Variants in SMCHD1 observed in about 807,000 individuals in gnomAD.
The protein encoded by SMCHD1 is structural maintenance of chromosomes flexible hinge domain-containing protein 1.
Under a neutral mutation model 254.7 loss-of-function variants are expected in SMCHD1, and 78 were observed. The ratio of observed to expected loss-of-function variants is 0.31; its 90% confidence interval spans 0.26 to 0.37. The LOEUF (loss-of-function observed/expected upper bound fraction) is 0.37, where lower values mean the gene tolerates loss of function less well. SMCHD1 is among the 10% of genes least tolerant of loss of function. SMCHD1 has a pLI of 1.00. For missense variants in SMCHD1, 1,840 were observed against 2,408.1 expected, an observed-to-expected ratio of 0.76 and a Z score of 4.94; for synonymous variants, 766 against 794.9, an observed-to-expected ratio of 0.96 and a Z score of 0.61.
chr18:2,727,877 T>G (rs1488184164), intron 22 of SMCHD1, among the ~76,000 whole-genome samples: 1 of 152,064 alleles, frequency 6.6e-6, no homozygotes, highest in African/African-American at 2.4e-5. Flanking sequence ...TATGTAGCAT[T>G]AATTGAATTT....
At chr18:2,685,530 A>G (rs1450342778) in intron 5 of SMCHD1, among the ~76,000 whole-genome samples, 1 of 152,160 alleles carries the variant, frequency 6.6e-6, no homozygotes, top group African/African-American at 2.4e-5. Flanking sequence ...GTCTTTTACA[A>G]CTATTATTAC....
chr18:2,772,631 G>T (rs1241104691), intron 41 of SMCHD1, among the ~76,000 whole-genome samples: 1 of 152,202 alleles, frequency 6.6e-6, no homozygotes, highest in South Asian at 2.1e-4. Context: ...ATGCTTTCAT[G>T]TCATGCAGCT....
At chr18:2,784,719 A>G (rs2076211298) in intron 45 of SMCHD1, 98 bp downstream of exon 45, 2 of 1,276,334 alleles carry the variant, frequency 1.6e-6, no homozygotes, top group African/African-American at 3.0e-5. Context: ...AAAAATTAAC[A>G]AATGTAAGTA....
intron 1 of SMCHD1, among the ~76,000 whole-genome samples, chr18:2,664,817 A>C (rs1358352240): frequency 6.6e-6 from 1 of 152,210 alleles, no homozygotes; most frequent in Non-Finnish European, 1.5e-5. Context: ...TTTAAGGAAC[A>C]ACTTTGCCTC....
chr18:2,738,736 C>T (rs2075296588), intron 26 of SMCHD1, among the ~76,000 whole-genome samples, 191 bp downstream of exon 26: 1 of 152,134 alleles, frequency 6.6e-6, no homozygotes, highest in African/African-American at 2.4e-5. Context: ...CTGAATTGGC[C>T]TTCTAGTAGC....
At chr18:2,658,436 A>G (rs1043629057) in intron 1 of SMCHD1, among the ~76,000 whole-genome samples, 2 of 152,220 alleles carry the variant, frequency 1.3e-5, no homozygotes, top group Non-Finnish European at 2.9e-5. Flanking sequence ...CTCAAATGGC[A>G]TTCTTTGCTG....
At chr18:2,709,059 A>G (rs1354250284) in intron 17 of SMCHD1, among the ~76,000 whole-genome samples, 1 of 149,076 alleles carries the variant, frequency 6.7e-6, no homozygotes, top group Non-Finnish European at 1.5e-5. Flanking sequence ...CTGCCCTGGT[A>G]ACTACTTTTT....
chr18:2,770,259 T>C (rs1379559850), intron 39 of SMCHD1, among the ~76,000 whole-genome samples, 151 bp downstream of exon 39: 1 of 152,222 alleles, frequency 6.6e-6, no homozygotes, highest in East Asian at 1.9e-4. Flanking sequence ...GATACTGTCA[T>C]TGAGAATTCT....
intron 37 of SMCHD1, among the ~76,000 whole-genome samples, chr18:2,765,330 T>A (rs986735593): frequency 6.6e-6 from 1 of 152,214 alleles, no homozygotes; most frequent in African/African-American, 2.4e-5. Context: ...ATTTTCTTGA[T>A]ATCTTTTCAG....
At chr18:2,780,425 G>C (rs1233382004) in intron 44 of SMCHD1, among the ~76,000 whole-genome samples, 1 of 152,100 alleles carries the variant, frequency 6.6e-6, no homozygotes. Flanking sequence ...CTGTGGGTGG[G>C]AGAGCTACTA....
intron 39 of SMCHD1, among the ~76,000 whole-genome samples, chr18:2,770,950 T>G (rs527805612): frequency 6.6e-5 from 10 of 152,314 alleles, no homozygotes; most frequent in African/African-American, 2.2e-4. Context: ...TAATAATGTT[T>G]CATATAATTG....
intron 41 of SMCHD1, among the ~76,000 whole-genome samples, chr18:2,774,137 A>G: frequency 6.6e-6 from 1 of 151,994 alleles, no homozygotes; most frequent in East Asian, 1.9e-4. Context: ...TTTTTTTTTC[A>G]GTTAAACATA....
In SMCHD1 at chr18:2,735,103, G is replaced by A. The variant is rs115572733; in HGVS notation, c.3276+2611G>A. On this transcript the variant is annotated intron_variant, in intron 25 of 47. Coordinates refer to ENST00000320876, the MANE Select transcript of SMCHD1 (RefSeq NM_015295.3). ...AAGTTAATTCACCACGAACAAGTAG[G>A]CTTTATTTTTGAGATTCAGGGTTGA... 5.0e-3 allele frequency among the ~76,000 whole-genome samples: 760 copies of A among 151,860 alleles called. 4 individuals carry two copies. Among genetic ancestry groups the A allele is most frequent in the African/African-American group, 0.017 (689 of 41,436 alleles).
intron 39 of SMCHD1, among the ~76,000 whole-genome samples, chr18:2,770,828 CCGGG>C (rs1052782977): frequency 2.1e-4 from 32 of 152,178 alleles, no homozygotes; most frequent in African/African-American, 7.5e-4. Context: ...ACCATGTTGG[CCGGG>C]CTGGTCTCGA....
At chr18:2,695,289 T>C (rs2074262029) in intron 8 of SMCHD1, among the ~76,000 whole-genome samples, 1 of 151,788 alleles carries the variant, frequency 6.6e-6, no homozygotes, top group Non-Finnish European at 1.5e-5. Flanking sequence ...GGAATAGTTA[T>C]TTAATGGCTC....
At chr18:2,731,472 T>C (rs2075138766) in intron 24 of SMCHD1, among the ~76,000 whole-genome samples, 1 of 152,200 alleles carries the variant, frequency 6.6e-6, no homozygotes, top group African/African-American at 2.4e-5. Flanking sequence ...TCAGGGCATC[T>C]AGAGGCCTTC....
chr18:2,680,466 A>G (rs1408318402), intron 5 of SMCHD1, among the ~76,000 whole-genome samples: 3 of 152,196 alleles, frequency 2.0e-5, no homozygotes, highest in Non-Finnish European at 4.4e-5. Context: ...GCCTTGAACC[A>G]CTAAGTCTCC....
At chr18:2,684,798 T>G (rs970411887) in intron 5 of SMCHD1, among the ~76,000 whole-genome samples, 2 of 151,448 alleles carry the variant, frequency 1.3e-5, no homozygotes, top group Non-Finnish European at 2.9e-5. Flanking sequence ...ACTCTAGGAT[T>G]CATAGTATAA....
intron 32 of SMCHD1, 23 bp from the exon 33 acceptor site, chr18:2,751,255 T>C: frequency 3.0e-6 from 4 of 1,355,844 alleles, no homozygotes; most frequent in Non-Finnish European, 4.1e-6. Context: ...AAAGAGATAA[T>C]TTTTTAACGT....
Sources: gnomAD v4.1 joint callset for allele counts (sites outside exome capture counted in the v4.1 genomes callset) on GRCh38, gnomAD v4.1.1 for gene constraint, MANE v1.5 for transcripts, NCBI Gene and HGNC (gene_info 2026-07-23, HGNC 2026-07-21) for gene names.